Variants in FAM83F observed in about 807,000 individuals in gnomAD.
FAM83F encodes scaffolding CK1 anchoring protein F, also known as protein FAM83F.
FAM83F carries 45 observed loss-of-function variants against 42.9 expected under a neutral mutation model. That is an observed-to-expected ratio of 1.05 (90% CI 0.83 to 1.35). The LOEUF (loss-of-function observed/expected upper bound fraction) is 1.35, where lower values mean the gene tolerates loss of function less well. Among genes scored for constraint, FAM83F ranks in the 40% most tolerant of loss-of-function variants. The pLI, the probability that FAM83F is intolerant of heterozygous loss-of-function variation, is 0.00. For missense variants in FAM83F, 617 were observed against 695.9 expected (o/e 0.89, Z 1.28); for synonymous variants, 306 against 298.3 (o/e 1.03, Z -0.27).
intron 1 of FAM83F, among the ~76,000 whole-genome samples, chr22:40,013,877 C>T (rs1231516869): frequency 6.6e-6 from 1 of 151,988 alleles, no homozygotes. Context: ...TAGGTTTTAA[C>T]TGTGAATGGA....
intron 1 of FAM83F, among the ~76,000 whole-genome samples, chr22:40,014,162 G>T (rs2067482589): frequency 9.0e-6 from 1 of 111,336 alleles, no homozygotes; most frequent in Non-Finnish European, 1.7e-5. Context: ...TTATTGCATA[G>T]GTGAGGACCT....
Position 40,032,446 on chromosome 22 carries a change from CCT to C in FAM83F, c.*2884_*2885del, listed in dbSNP as rs2067594021. 1 of 152,176 alleles carries C rather than the reference CCT, an allele frequency of 6.6e-6. No individual in the cohort carries two copies. The allele number at this position is 152,176 out of a possible 1,614,324, so 9.4% of individuals were successfully genotyped here. A position where few individuals can be genotyped will look rare whatever the true frequency, so the allele number is the denominator to read the frequency against. On this transcript the variant is annotated 3_prime_UTR_variant, in exon 5 of 5. Coordinates refer to ENST00000333407, the MANE Select transcript of FAM83F (RefSeq NM_138435.4). ...GACCCCTCGAGGGCTTTCAAGATAG[CCT>C]CTGTTAACATCACTACCCTCTGCCT...
intron 1 of FAM83F, among the ~76,000 whole-genome samples, chr22:40,013,867 T>C (rs2067480039): frequency 6.6e-6 from 1 of 152,112 alleles, no homozygotes; most frequent in Admixed American, 6.5e-5. Context: ...GCCATGTGGT[T>C]AGGTTTTAAC....
intron 3 of FAM83F, 139 bp downstream of exon 3, chr22:40,020,147 G>T: frequency 7.9e-7 from 1 of 1,263,214 alleles, no homozygotes. Flanking sequence ...ACAGCTTTCT[G>T]CCCAGTCCCT....
intron 1 of FAM83F, among the ~76,000 whole-genome samples, chr22:40,004,670 T>G (rs1317684391): frequency 2.6e-5 from 4 of 152,168 alleles, no homozygotes; most frequent in Admixed American, 2.0e-4. Flanking sequence ...ACTCCTGACC[T>G]CAAGTGATCC....
intron 1 of FAM83F, among the ~76,000 whole-genome samples, chr22:40,010,777 A>G (rs148456667): frequency 1.1e-3 from 165 of 152,348 alleles, no homozygotes; most frequent in African/African-American, 3.8e-3. Flanking sequence ...ATAAACTATC[A>G]GCACTAGGAG....
intron 1 of FAM83F, among the ~76,000 whole-genome samples, chr22:40,006,293 A>T (rs900273291): frequency 1.3e-5 from 2 of 151,296 alleles, no homozygotes; most frequent in African/African-American, 4.9e-5. Context: ...TGCCCTCTTG[A>T]TGGACCAGGA....
At chr22:40,006,239 CAA>C (rs78979244) in intron 1 of FAM83F, among the ~76,000 whole-genome samples, 54 of 129,370 alleles carry the variant, frequency 4.2e-4, no homozygotes, top group Non-Finnish European at 4.6e-4. Flanking sequence ...GATGCCATCT[CAA>C]AAAAAAAAAA....
intron 1 of FAM83F, among the ~76,000 whole-genome samples, chr22:40,013,917 T>A (rs2145716194): frequency 6.6e-6 from 1 of 152,006 alleles, no homozygotes; most frequent in Non-Finnish European, 1.5e-5. Flanking sequence ...TTCCTTCTTT[T>A]ATTTTCCTTT....
In FAM83F at chr22:40,032,320, G is replaced by A. The variant is rs1213606338; in HGVS notation, c.*2755G>A. On this transcript the variant is annotated 3_prime_UTR_variant, in exon 5 of 5. Coordinates refer to ENST00000333407, the MANE Select transcript of FAM83F (RefSeq NM_138435.4). ...CGCCACGCTTGCTTCTGCCCCACAA[G>A]GGCAGTAAGCACAGGACTTCTGGAT... 2.6e-5 allele frequency: 4 copies of A among 152,266 alleles called. No homozygotes were observed. Among genetic ancestry groups the A allele is most frequent in the African/African-American group, 9.7e-5 (4 of 41,442 alleles). The allele number at this position is 152,266 out of a possible 1,614,324, so 9.4% of individuals were successfully genotyped here. A position where few individuals can be genotyped will look rare whatever the true frequency, so the allele number is the denominator to read the frequency against.
At chr22:40,004,980 C>T (rs2067420465) in intron 1 of FAM83F, among the ~76,000 whole-genome samples, 1 of 152,194 alleles carries the variant, frequency 6.6e-6, no homozygotes, top group Non-Finnish European at 1.5e-5. Context: ...AAACTGGAGG[C>T]CCAGGACACG....
At chr22:40,001,257 C>T (rs2067400003) in intron 1 of FAM83F, among the ~76,000 whole-genome samples, 1 of 152,158 alleles carries the variant, frequency 6.6e-6, no homozygotes, top group Non-Finnish European at 1.5e-5. Context: ...TGACCACTTA[C>T]TCACTGTGTT....
At position 40,035,525 on chromosome 22, in the gene FAM83F, C is replaced by G. The variant is rs1362430606; in HGVS notation, c.*5960C>G. The G allele has an allele frequency of 6.6e-6, 1 of 152,224 alleles. No individual in the cohort carries two copies. The highest frequency in any genetic ancestry group is 2.4e-5 in the African/African-American group (1 of 41,442). 9.4% of individuals were successfully genotyped at this position (152,224 alleles called of 1,614,324 possible). ...TGCAGGCCTGCACCCATTTATTCAT[C>G]CGGTGGATATTTGCTGGGTGCCCGG... is the stretch of plus-strand genomic sequence containing the variant. On this transcript the variant is annotated 3_prime_UTR_variant, in exon 5 of 5. Coordinates refer to ENST00000333407, the MANE Select transcript of FAM83F (RefSeq NM_138435.4).
At position 40,019,995 on chromosome 22, in the gene FAM83F, A is replaced by G; in HGVS notation, c.766A>G (p.Thr256Ala). The G allele has an allele frequency of 6.2e-7, 1 of 1,613,004 alleles. No individual in the cohort carries two copies. Residue 256 changes from threonine to alanine, a missense_variant, in exon 3 of 5, where the codon ACT becomes GCT. Physicochemically the swap from Thr to Ala is moderately conservative, Grantham distance 58. Coordinates refer to ENST00000333407, the MANE Select transcript of FAM83F (RefSeq NM_138435.4). The stretch of plus-strand genomic sequence containing the variant: ...GATGGTGGACGGTGACAAAGTGGCC[A>G]CTGGATCTTACAGGTGAGTTGGGCC... ...FLMVDGDKVA[T>A]GSYRFTWSSS...
At chr22:40,012,259 C>T (rs1431884824) in intron 1 of FAM83F, among the ~76,000 whole-genome samples, 7 of 151,904 alleles carry the variant, frequency 4.6e-5, no homozygotes, top group African/African-American at 1.2e-4. Context: ...CTCAGCCTCC[C>T]GAGTAGCTGG....
Position 39,995,479 on chromosome 22 carries a change from A to T in FAM83F, c.437A>T (p.Lys146Met). ...TTCACCCACCCGCCCAAGGACGAGAAGGCGCCGCACCTCAAGCAGGTGGTC... is the reference window on the plus strand; with the variant it reads ...TTCACCCACCCGCCCAAGGACGAGATGGCGCCGCACCTCAAGCAGGTGGTC... ...TLFTHPPKDE[K>M]APHLKQVVRQ... The change falls in exon 1 of 5, where the codon AAG (lysine) becomes ATG (methionine). Residue 146 changes from lysine (K) to methionine (M), a missense_variant. Coordinates refer to ENST00000333407, the MANE Select transcript of FAM83F (RefSeq NM_138435.4). The surrounding 1 kb of genome is among the most constrained non-coding windows in gnomAD (Gnocchi z 4.6). 1 of 1,578,398 alleles carries T rather than the reference A, an allele frequency of 6.3e-7. No homozygotes were observed. Among genetic ancestry groups the T allele is most frequent in the South Asian group, 1.2e-5 (1 of 86,412 alleles).
At position 39,995,514 on chromosome 22, in the gene FAM83F, A is replaced by T; in HGVS notation, c.472A>T (p.Ile158Phe). Residue 158 changes from isoleucine to phenylalanine, a missense_variant, in exon 1 of 5, where the codon ATC (isoleucine) becomes TTC (phenylalanine). Transcript: ENST00000333407. The surrounding 1 kb of genome is among the most constrained non-coding windows in gnomAD (Gnocchi z 4.6). The part of the protein sequence containing the change: ...PHLKQVVRQM[I>F]QQAQKVIAVV... ...CCTCAAGCAGGTGGTCAGGCAGATG[A>T]TCCAACAGGCCCAGAAGGTAGGCCC... 1 of 1,572,042 alleles carries T rather than the reference A, an allele frequency of 6.4e-7. No homozygotes were observed. The highest frequency in any genetic ancestry group is 8.6e-7 in the Non-Finnish European group (1 of 1,157,762).
At chr22:39,998,270 A>G (rs544607212) in intron 1 of FAM83F, among the ~76,000 whole-genome samples, 23 of 152,252 alleles carry the variant, frequency 1.5e-4, no homozygotes, top group African/African-American at 5.3e-4. Flanking sequence ...GGAACTGCCG[A>G]GGGGAGGCAG....
In FAM83F at chr22:40,021,502, C is replaced by A; in HGVS notation, c.992C>A (p.Ser331Ter). 1 of 1,582,416 alleles carries A rather than the reference C, an allele frequency of 6.3e-7. No homozygotes were observed. The change falls in exon 4 of 5, where the codon TCA becomes TAA. Residue 331 changes from serine (S) to a stop codon, truncating the protein, a stop_gained. Coordinates refer to ENST00000333407, the MANE Select transcript of FAM83F (RefSeq NM_138435.4). LOFTEE classifies it high-confidence loss of function. This position sits in a 1 kb window ranked among gnomAD's most constrained non-coding sequence, Gnocchi z 8.7. Reference sequence around the variant, plus strand: ...ATCAACCCCAAGTACGCCTTGGTGTCAGGCTGCCGCCACCCGCCTGGGGAG... The same window carrying A: ...ATCAACCCCAAGTACGCCTTGGTGTAAGGCTGCCGCCACCCGCCTGGGGAG... Reference protein sequence around the residue: ...KLINPKYALVSGCRHPPGEMM... With the variant: ...KLINPKYALV
Sources: allele counts gnomAD v4.1 joint callset (sites outside exome capture counted in the v4.1 genomes callset), GRCh38; gene constraint gnomAD v4.1.1; non-coding constraint Gnocchi (gnomAD v3.1); transcripts MANE v1.5; gene names NCBI Gene and HGNC (gene_info 2026-07-23, HGNC 2026-07-21).